MAP7: variants seen among roughly 807,000 people sequenced by gnomAD.
MAP7 encodes the protein ensconsin.
Under a neutral mutation model 94.8 loss-of-function variants are expected in MAP7, and 52 were observed. That is an observed-to-expected ratio of 0.55 (90% CI 0.44 to 0.69). The LOEUF is 0.69. MAP7 is among the 30% of genes least tolerant of loss of function. The pLI, the probability that MAP7 is intolerant of heterozygous loss-of-function variation, is 0.00. For missense variants in MAP7, 940 were observed against 964.6 expected (o/e 0.97, Z 0.34); for synonymous variants, 350 against 357.0 (o/e 0.98, Z 0.22).
chr6:136,500,726 T>A (rs957590167), intron 1 of MAP7, among the ~76,000 whole-genome samples: 1 of 152,226 alleles, frequency 6.6e-6, no homozygotes, highest in Non-Finnish European at 1.5e-5. Flanking sequence ...TGTTTCAACA[T>A]CTGCTTTGAT....
intron 1 of MAP7, among the ~76,000 whole-genome samples, chr6:136,464,293 G>A (rs888864110): frequency 6.6e-6 from 1 of 152,144 alleles, no homozygotes; most frequent in African/African-American, 2.4e-5. Context: ...TCAACTACAG[G>A]AGTTATAATT....
chr6:136,537,856 C>T (rs762574887), intron 1 of MAP7, among the ~76,000 whole-genome samples: 14 of 151,346 alleles, frequency 9.3e-5, no homozygotes, highest in African/African-American at 2.7e-4. Flanking sequence ...GGCACAATCT[C>T]GGCTCACCGC....
intron 1 of MAP7, among the ~76,000 whole-genome samples, chr6:136,460,151 C>A (rs771651149): frequency 6.6e-6 from 1 of 152,104 alleles, no homozygotes; most frequent in African/African-American, 2.4e-5. Flanking sequence ...TGTAAAAAAG[C>A]AAAAGCAGTA....
chr6:136,469,303 C>T (rs886578561), intron 1 of MAP7, among the ~76,000 whole-genome samples: 1 of 151,998 alleles, frequency 6.6e-6, no homozygotes, highest in African/African-American at 2.4e-5. Context: ...CCCTCCCTCC[C>T]TCCCTGCCTT....
At position 136,494,031 on chromosome 6, in the gene MAP7, T is replaced by C. The variant is rs557556445; in HGVS notation, c.67+56311A>G. 3.3e-5 allele frequency among the ~76,000 whole-genome samples: 5 copies of C among 152,346 alleles called. No individual in the cohort carries two copies. The South Asian group carries it at 6.2e-4, about 19-fold the overall frequency. On this transcript the variant is annotated intron_variant, in intron 1 of 17. Coordinates refer to ENST00000354570, the MANE Select transcript of MAP7 (RefSeq NM_003980.6). ...TACCTTACCATTTTTATTTGTACCA[T>C]ATAAAACCACTTTTCTTTTTTAGAG...
chr6:136,412,586 T>G (rs1562370822), intron 2 of MAP7, among the ~76,000 whole-genome samples: 1 of 152,096 alleles, frequency 6.6e-6, no homozygotes, highest in Non-Finnish European at 1.5e-5. Context: ...CCATAGAAAG[T>G]AAGTGCAAAG....
chr6:136,364,307 G>T, intron 10 of MAP7: 1 of 505,766 alleles, frequency 2.0e-6, no homozygotes, highest in South Asian at 1.5e-5. Context: ...TTGACATGGG[G>T]AGCCTCATCT....
At chr6:136,504,387 C>T (rs1215978707) in intron 1 of MAP7, among the ~76,000 whole-genome samples, 2 of 151,658 alleles carry the variant, frequency 1.3e-5, no homozygotes, top group East Asian at 3.9e-4. Flanking sequence ...CTCACTCTGT[C>T]ACCCAGGCTG....
At chr6:136,380,070 G>A (rs184290355) in intron 6 of MAP7, among the ~76,000 whole-genome samples, 5 of 152,126 alleles carry the variant, frequency 3.3e-5, no homozygotes, top group Admixed American at 1.3e-4. Context: ...TTACCAAACC[G>A]AAGGGAGAGA....
intron 1 of MAP7, among the ~76,000 whole-genome samples, chr6:136,453,545 G>A (rs1236329002): frequency 6.6e-6 from 1 of 152,146 alleles, no homozygotes; most frequent in Non-Finnish European, 1.5e-5. Flanking sequence ...CAGTGGTCAG[G>A]CTATCTGATT....
At chr6:136,355,378 T>C (rs1369045901) in intron 16 of MAP7, among the ~76,000 whole-genome samples, 2 of 151,992 alleles carry the variant, frequency 1.3e-5, no homozygotes, top group Non-Finnish European at 2.9e-5. Flanking sequence ...AGATCTTAGG[T>C]AATTACAACA....
Position 136,463,491 on chromosome 6 carries a change from T to C in MAP7, c.68-41692A>G, listed in dbSNP as rs550668875. 4.6e-5 allele frequency among the ~76,000 whole-genome samples: 7 copies of C among 152,346 alleles called. No homozygotes were observed. In the East Asian group the frequency reaches 1.3e-3, roughly 29 times the overall value. On this transcript the variant is annotated intron_variant, in intron 1 of 17. Transcript: ENST00000354570. ...ACAATGTTTTCTAAAGAATTTTTTT[T>C]TCCAAAATGTTCTTTAGTCTTTTCA...
chr6:136,494,892 G>A (rs989051603), intron 1 of MAP7, among the ~76,000 whole-genome samples: 3 of 152,144 alleles, frequency 2.0e-5, no homozygotes, highest in South Asian at 4.1e-4. Flanking sequence ...GAGCATGGGT[G>A]TCCATAGATA....
chr6:136,365,438 TC>T (rs1467232813), intron 10 of MAP7, among the ~76,000 whole-genome samples: 1 of 152,198 alleles, frequency 6.6e-6, no homozygotes, highest in Non-Finnish European at 1.5e-5. Context: ...CAGTGGGTCT[TC>T]TGGAAAAAAT....
rs1786834299 is a variant in MAP7, at chr6:136,342,908, A to G, written c.*1320T>C. The G allele has an allele frequency of 6.6e-6, 1 of 150,860 alleles. No individual in the cohort carries two copies. Among genetic ancestry groups the G allele is most frequent in the African/African-American group, 2.5e-5 (1 of 40,474 alleles). The allele number at this position is 150,860 out of a possible 1,614,324, so 9.3% of individuals were successfully genotyped here. The stretch of plus-strand genomic sequence containing the variant: ...CACAAATTACAAGCCATTACTAAAG[A>G]CCATATGCCTGGATTAAAAAAAATA... On this transcript the variant is annotated 3_prime_UTR_variant, in exon 18 of 18. Coordinates refer to ENST00000354570, the MANE Select transcript of MAP7 (RefSeq NM_003980.6).
intron 8 of MAP7, among the ~76,000 whole-genome samples, chr6:136,367,750 A>C (rs80015167): frequency 0.022 from 3,323 of 152,288 alleles, 66 homozygotes; most frequent in Middle Eastern, 0.048. Context: ...GTGGGGCCTC[A>C]CAGAGCTGCT....
intron 1 of MAP7, among the ~76,000 whole-genome samples, chr6:136,525,632 C>T (rs952997142): frequency 1.3e-5 from 2 of 152,156 alleles, no homozygotes; most frequent in Non-Finnish European, 2.9e-5. Flanking sequence ...CTGAAATACA[C>T]CGAATCTACA....
chr6:136,514,960 CTCTG>C (rs762892944), intron 1 of MAP7, among the ~76,000 whole-genome samples: 5 of 152,244 alleles, frequency 3.3e-5, no homozygotes, highest in African/African-American at 4.8e-5. Flanking sequence ...GACTTTGACT[CTCTG>C]TCTATCAACG....
intron 1 of MAP7, among the ~76,000 whole-genome samples, chr6:136,442,255 A>T (rs1798078643): frequency 2.0e-5 from 3 of 151,446 alleles, no homozygotes; most frequent in Non-Finnish European, 4.4e-5. Flanking sequence ...ATACAAAAAA[A>T]TTAGCCGGAC....
Sources: gnomAD v4.1 joint callset for allele counts (sites outside exome capture counted in the v4.1 genomes callset) on GRCh38, gnomAD v4.1.1 for gene constraint, MANE v1.5 for transcripts, NCBI Gene and HGNC (gene_info 2026-07-23, HGNC 2026-07-21) for gene names.